The following STXBP5L variants were observed in gnomAD, a reference collection of about 807,000 sequenced individuals.
The protein encoded by STXBP5L is syntaxin-binding protein 5-like.
Under a neutral mutation model 144.5 loss-of-function variants are expected in STXBP5L, and 65 were observed. The observed-to-expected ratio is 0.45, with a 90% confidence interval of 0.37 to 0.55. The LOEUF (loss-of-function observed/expected upper bound fraction) is 0.55. STXBP5L is among the 20% of genes least tolerant of loss of function. The pLI, the probability that STXBP5L is intolerant of heterozygous loss-of-function variation, is 0.00. For synonymous variants in STXBP5L, 505 were observed against 469.6 expected, an observed-to-expected ratio of 1.08 and a Z score of -0.97; for missense variants, 1,298 against 1,405.5, an observed-to-expected ratio of 0.92 and a Z score of 1.22.
At position 120,991,748 on chromosome 3, in the gene STXBP5L, G is replaced by T. The variant is rs541272497; in HGVS notation, c.287+36711G>T. On this transcript the variant is annotated intron_variant, in intron 3 of 26. Coordinates refer to ENST00000471454, the MANE Select transcript of STXBP5L (RefSeq NM_001308330.2). ...ACACCGCATGTTCTCACTCATAGGT[G>T]GGAATTGAACAATGAGAACACATGG... Among the ~76,000 whole-genome samples, 46 of 151,954 alleles carry T rather than the reference G, an allele frequency of 3.0e-4. 1 individual carries two copies. The South Asian group carries it at 8.1e-3, about 27-fold the overall frequency.
chr3:121,183,737 G>T (rs1199518731), intron 9 of STXBP5L, among the ~76,000 whole-genome samples: 1 of 152,074 alleles, frequency 6.6e-6, no homozygotes, highest in Non-Finnish European at 1.5e-5. Flanking sequence ...GTCTCCTCAA[G>T]TAGGTCCCTG....
At chr3:121,320,023 T>A (rs951510124) in intron 20 of STXBP5L, among the ~76,000 whole-genome samples, 2 of 152,182 alleles carry the variant, frequency 1.3e-5, no homozygotes, top group African/African-American at 4.8e-5. Flanking sequence ...CTTTTTGTAT[T>A]TTCATATAAC....
chr3:121,179,242 C>T (rs1330339368), intron 9 of STXBP5L, among the ~76,000 whole-genome samples: 1 of 151,656 alleles, frequency 6.6e-6, no homozygotes, highest in Non-Finnish European at 1.5e-5. Context: ...GTGAACTCAC[C>T]CACACACCAA....
chr3:120,978,022 C>G (rs1941287121), intron 3 of STXBP5L, among the ~76,000 whole-genome samples: 1 of 152,110 alleles, frequency 6.6e-6, no homozygotes, highest in Non-Finnish European at 1.5e-5. Flanking sequence ...AATTATGTGT[C>G]TTGGAGTTGC....
chr3:120,969,286 G>A (rs1939962999), intron 3 of STXBP5L, among the ~76,000 whole-genome samples: 1 of 151,388 alleles, frequency 6.6e-6, no homozygotes, highest in African/African-American at 2.4e-5. Context: ...GCATTTCCCT[G>A]ATAATTAGTG....
At chr3:121,197,288 G>A (rs9850853) in intron 9 of STXBP5L, among the ~76,000 whole-genome samples, 1 of 152,014 alleles carries the variant, frequency 6.6e-6, no homozygotes, top group Non-Finnish European at 1.5e-5. Context: ...GATACTATTT[G>A]CTTGTTTTGT....
chr3:120,949,370 G>A (rs1456558053), intron 2 of STXBP5L, among the ~76,000 whole-genome samples: 3 of 152,008 alleles, frequency 2.0e-5, no homozygotes, highest in Non-Finnish European at 4.4e-5. Flanking sequence ...TGGGTTGTCT[G>A]TTTACTCTGC....
intron 3 of STXBP5L, among the ~76,000 whole-genome samples, chr3:121,009,410 T>A (rs536227720): frequency 2.6e-5 from 4 of 152,128 alleles, no homozygotes; most frequent in Non-Finnish European, 5.9e-5. Flanking sequence ...TTCCTCACAT[T>A]ACTTCTCTGT....
At chr3:121,272,627 G>T (rs1413976352) in intron 18 of STXBP5L, among the ~76,000 whole-genome samples, 1 of 152,084 alleles carries the variant, frequency 6.6e-6, no homozygotes, top group Non-Finnish European at 1.5e-5. Flanking sequence ...GTAATGATTA[G>T]TAGGTACAAA....
intron 5 of STXBP5L, among the ~76,000 whole-genome samples, chr3:121,051,491 G>C (rs1947990468): frequency 6.6e-6 from 1 of 152,180 alleles, no homozygotes; most frequent in South Asian, 2.1e-4. Context: ...TGACTACTGG[G>C]TACGTGACGA....
intron 14 of STXBP5L, among the ~76,000 whole-genome samples, chr3:121,244,852 G>A (rs2049791219): frequency 6.6e-6 from 1 of 152,002 alleles, no homozygotes; most frequent in East Asian, 1.9e-4. Flanking sequence ...CTTCAAAAAT[G>A]AAGGAGCAAT....
At chr3:121,027,944 C>A (rs1946070784) in intron 3 of STXBP5L, among the ~76,000 whole-genome samples, 1 of 152,028 alleles carries the variant, frequency 6.6e-6, no homozygotes, top group African/African-American at 2.4e-5. Flanking sequence ...CTACTTTTCT[C>A]TATCACCATA....
At chr3:121,213,562 C>T (rs2048662401) in intron 10 of STXBP5L, among the ~76,000 whole-genome samples, 1 of 152,034 alleles carries the variant, frequency 6.6e-6, no homozygotes, top group African/African-American at 2.4e-5. Context: ...GGTATGAAGC[C>T]AACTTGATCG....
At chr3:121,282,257 G>A in intron 19 of STXBP5L, 1 of 1,610,070 alleles carries the variant, frequency 6.2e-7, no homozygotes, top group African/African-American at 1.3e-5. Context: ...GGTCTGGCAT[G>A]TTCCAAAGAC....
chr3:121,005,279 A>T (rs893028780), intron 3 of STXBP5L, among the ~76,000 whole-genome samples: 1 of 151,870 alleles, frequency 6.6e-6, no homozygotes, highest in Non-Finnish European at 1.5e-5. Context: ...TTTAGTCTTG[A>T]GAGGGTGTAT....
At chr3:121,024,822 C>T (rs1560017604) in intron 3 of STXBP5L, among the ~76,000 whole-genome samples, 1 of 151,968 alleles carries the variant, frequency 6.6e-6, no homozygotes, top group Non-Finnish European at 1.5e-5. Context: ...ATAATAAAGA[C>T]AACAAAAATA....
intron 10 of STXBP5L, among the ~76,000 whole-genome samples, chr3:121,218,077 T>A (rs2048845524): frequency 7.0e-6 from 1 of 142,002 alleles, no homozygotes; most frequent in Non-Finnish European, 1.5e-5. Flanking sequence ...ATATACAGTA[T>A]ATAATATAAT....
intron 3 of STXBP5L, among the ~76,000 whole-genome samples, chr3:120,982,170 G>A (rs1376028066): frequency 1.3e-5 from 2 of 152,160 alleles, no homozygotes; most frequent in African/African-American, 4.8e-5. Flanking sequence ...TGTAAGAGTG[G>A]CTGTGGCAGA....
At chr3:121,095,914 A>AT (rs556595571) in intron 5 of STXBP5L, among the ~76,000 whole-genome samples, 86 of 151,746 alleles carry the variant, frequency 5.7e-4, no homozygotes, top group Non-Finnish European at 9.4e-4. Flanking sequence ...CATCTTTGTG[A>AT]TTTTATCTAC....
Sources: allele counts gnomAD v4.1 joint callset (sites outside exome capture counted in the v4.1 genomes callset), GRCh38; gene constraint gnomAD v4.1.1; transcripts MANE v1.5; gene names NCBI Gene and HGNC (gene_info 2026-07-23, HGNC 2026-07-21).